The following CDC14B variants were observed in gnomAD, a reference collection of about 807,000 sequenced individuals.
CDC14B encodes dual specificity protein phosphatase CDC14B.
A neutral mutation model predicts 64.2 loss-of-function variants in CDC14B; 22 were observed. That is an observed-to-expected ratio of 0.34 (90% confidence interval 0.24 to 0.49). The LOEUF is 0.49. CDC14B is among the 20% of genes least tolerant of loss of function. The pLI, the probability that CDC14B is intolerant of heterozygous loss-of-function variation, is 0.99. For missense variants in CDC14B, 498 were observed against 629.9 expected (o/e 0.79, Z 2.24); for synonymous variants, 191 against 215.8 (o/e 0.89, Z 1.01).
At chr9:96,609,072 C>T (rs1162270916) in intron 1 of CDC14B, among the ~76,000 whole-genome samples, 1 of 152,176 alleles carries the variant, frequency 6.6e-6, no homozygotes. Context: ...TCAAGTGATT[C>T]TCCTGCCTCA....
chr9:96,562,630 G>T, intron 4 of CDC14B, 63 bp downstream of exon 4: 1 of 1,044,958 alleles, frequency 9.6e-7, no homozygotes, highest in Non-Finnish European at 1.5e-6. Context: ...AATTCCAACT[G>T]CAAATGTAAA....
intron 1 of CDC14B, among the ~76,000 whole-genome samples, chr9:96,610,090 T>C (rs1304867010): frequency 6.8e-6 from 1 of 147,958 alleles, no homozygotes; most frequent in Non-Finnish European, 1.5e-5. Context: ...ATTGGAAAGA[T>C]ATATAGATAC....
rs1833429438 is a variant in CDC14B, at chr9:96,500,162, T to C, written c.*3591A>G. On this transcript the variant is annotated 3_prime_UTR_variant, in exon 14 of 14. Transcript: ENST00000375241. ...GATTGTAATTATACAATTTCCACTA[T>C]TCGATATTTTGTATAAAACCAGTTA... The C allele has an allele frequency of 6.6e-6, 1 of 152,668 alleles. No individual in the cohort carries two copies. The highest frequency in any genetic ancestry group is 2.1e-4 in the South Asian group (1 of 4,834). 9.5% of individuals were successfully genotyped at this position (152,668 alleles called of 1,614,324 possible).
intron 7 of CDC14B, among the ~76,000 whole-genome samples, chr9:96,534,754 A>G (rs1473001851): frequency 1.3e-5 from 2 of 152,200 alleles, no homozygotes; most frequent in Non-Finnish European, 2.9e-5. Context: ...TTCTTTTAAC[A>G]GTGTTTCATT....
chr9:96,497,304 G>C (rs1443863317), downstream of CDC14B, among the ~76,000 whole-genome samples: 1 of 151,472 alleles, frequency 6.6e-6, no homozygotes, highest in Non-Finnish European at 1.5e-5. Flanking sequence ...AGGCAGGGGC[G>C]GGGAGGCAGA....
chr9:96,584,647 A>G (rs908643731), intron 1 of CDC14B, among the ~76,000 whole-genome samples: 19 of 152,050 alleles, frequency 1.2e-4, no homozygotes, highest in African/African-American at 4.1e-4. Flanking sequence ...AATAAAACAG[A>G]CTTTATTTTA....
intron 6 of CDC14B, 77 bp from the exon 7 acceptor site, chr9:96,539,217 A>C: frequency 9.9e-7 from 1 of 1,007,134 alleles, no homozygotes; most frequent in East Asian, 2.4e-5. Flanking sequence ...CAGAATACTA[A>C]ATATCAGGGG....
intron 13 of CDC14B, among the ~76,000 whole-genome samples, chr9:96,504,700 G>A (rs906165999): frequency 6.6e-6 from 1 of 152,206 alleles, no homozygotes; most frequent in African/African-American, 2.4e-5. Context: ...GATAATGGCA[G>A]TAGCCAAAAA....
chr9:96,558,938 C>T (rs1261910508), intron 4 of CDC14B, among the ~76,000 whole-genome samples: 1 of 152,150 alleles, frequency 6.6e-6, no homozygotes, highest in Non-Finnish European at 1.5e-5. Flanking sequence ...AAGAGTCTAC[C>T]ATTCAGATAG....
intron 12 of CDC14B, among the ~76,000 whole-genome samples, chr9:96,518,933 G>A (rs758599522): frequency 3.9e-5 from 6 of 151,996 alleles, no homozygotes; most frequent in Admixed American, 1.3e-4. Flanking sequence ...TCAGGAGATC[G>A]AGACCATCCT....
At chr9:96,563,593 T>A (rs1843511543) in intron 3 of CDC14B, among the ~76,000 whole-genome samples, 2 of 143,610 alleles carry the variant, frequency 1.4e-5, no homozygotes, top group African/African-American at 5.3e-5. Context: ...GAGGTTATAG[T>A]GAGCCCAGAT....
rs373160930 is a variant in CDC14B, at chr9:96,560,582, C to CTTTTT, written c.420+2110_420+2111insAAAAA. ...GGTTCATACATAGACTTTTCTCTTT[C>CTTTTT]TCTTTTTTTTTTTTTTTTTGAGACG... On this transcript the variant is annotated intron_variant, in intron 4 of 13. Coordinates refer to ENST00000375241, the MANE Select transcript of CDC14B (RefSeq NM_033331.4). 1.4e-4 allele frequency among the ~76,000 whole-genome samples: 18 copies of CTTTTT among 127,660 alleles called. 4 individuals are homozygous for CTTTTT. The highest frequency in any genetic ancestry group is 2.2e-4 in the African/African-American group (7 of 31,778). The allele number at this position is 127,660 out of a possible 152,430, so 83.7% of individuals were successfully genotyped here. A position where few individuals can be genotyped will look rare whatever the true frequency, so the allele number is the denominator to read the frequency against.
At chr9:96,495,686 C>A (rs969759866), downstream of CDC14B, among the ~76,000 whole-genome samples, 3 of 152,142 alleles carry the variant, frequency 2.0e-5, no homozygotes, top group Admixed American at 6.5e-5. Context: ...AGAAAGACAG[C>A]AGGAGAAATG....
Position 96,515,337 on chromosome 9 carries a change from GGAAGAAAAACTGTTTCAGT to G in CDC14B, c.1344-5567_1344-5549del, listed in dbSNP as rs16912150. Among the ~76,000 whole-genome samples the G allele has an allele frequency of 4.0e-5, 6 of 151,744 alleles. No individual in the cohort carries two copies. The highest frequency in any genetic ancestry group is 7.4e-5 in the Non-Finnish European group (5 of 67,882). ...ATCCTAAGCTAACTACTTTTGATAGGGAAGAAAAACTGTTTCAGTGAAGAAAAACTGTTTCAGTGTCTTT... is the reference window on the plus strand; with the variant it reads ...ATCCTAAGCTAACTACTTTTGATAGGGAAGAAAAACTGTTTCAGTGTCTTT... On this transcript the variant is annotated intron_variant, in intron 12 of 13. Coordinates refer to ENST00000375241, the MANE Select transcript of CDC14B (RefSeq NM_033331.4). This position sits in a 1 kb window ranked among gnomAD's most constrained non-coding sequence, Gnocchi z 4.3.
intron 12 of CDC14B, chr9:96,514,438 G>A (rs908333528): frequency 1.9e-5 from 19 of 985,226 alleles, no homozygotes; most frequent in African/African-American, 1.6e-4. Context: ...GTCTGAATGC[G>A]CGACAATAAG....
chr9:96,599,845 C>T (rs1045287508), intron 1 of CDC14B, among the ~76,000 whole-genome samples: 2 of 152,168 alleles, frequency 1.3e-5, no homozygotes, highest in Admixed American at 1.3e-4. Context: ...GATTCTCCTG[C>T]CTCACCCTCC....
chr9:96,562,443 A>C (rs1843335638), intron 4 of CDC14B: 1 of 421,742 alleles, frequency 2.4e-6, no homozygotes, highest in Non-Finnish European at 4.3e-6. Flanking sequence ...TTTTTAAAAA[A>C]ATATAGGCTT....
intron 13 of CDC14B, among the ~76,000 whole-genome samples, chr9:96,506,156 T>C (rs1422517696): frequency 6.6e-6 from 1 of 152,064 alleles, no homozygotes; most frequent in Non-Finnish European, 1.5e-5. Context: ...ACGTTGCAGG[T>C]AGGGATGAAA....
At chr9:96,504,630 A>C (rs893558805) in intron 13 of CDC14B, among the ~76,000 whole-genome samples, 1 of 152,210 alleles carries the variant, frequency 6.6e-6, no homozygotes, top group African/African-American at 2.4e-5. Context: ...GAGAAACAGT[A>C]TTTTACAAAG....
Sources: allele counts gnomAD v4.1 joint callset (sites outside exome capture counted in the v4.1 genomes callset), GRCh38; gene constraint gnomAD v4.1.1; non-coding constraint Gnocchi (gnomAD v3.1); transcripts MANE v1.5; gene names NCBI Gene and HGNC (gene_info 2026-07-23, HGNC 2026-07-21).